The following TF variants were observed in gnomAD, a reference collection of about 807,000 sequenced individuals.
The protein encoded by TF is transferrin, also known as serotransferrin.
A neutral mutation model predicts 82.4 loss-of-function variants in TF; 55 were observed. The observed-to-expected ratio is 0.67, with a 90% confidence interval of 0.54 to 0.84. The LOEUF (loss-of-function observed/expected upper bound fraction) is 0.84, where lower values mean the gene tolerates loss of function less well. Ranked by LOEUF, TF falls within the 40% of genes least tolerant of loss-of-function variation. TF has a pLI of 0.00. For missense variants in TF, 737 were observed against 868.4 expected (o/e 0.85, Z 1.90); for synonymous variants, 332 against 332.6 (o/e 1.00, Z 0.02).
intron 9 of TF, chr3:133,761,370 A>G (rs1933986535): frequency 6.6e-6 from 1 of 152,424 alleles, no homozygotes; most frequent in Admixed American, 6.5e-5. Flanking sequence ...CTTTAAAAGT[A>G]AAAAATGGGC....
At chr3:133,674,009 T>A in the TF span, among the ~76,000 whole-genome samples, 1 of 151,932 alleles carries the variant, frequency 6.6e-6, no homozygotes, top group Admixed American at 6.5e-5. Flanking sequence ...GTCATTTGGG[T>A]AGAGTTTCCG....
At chr3:133,732,048 A>G in the TF span, among the ~76,000 whole-genome samples, 3,617 of 152,244 alleles carry the variant, frequency 0.024, 152 homozygotes, top group African/African-American at 0.083. Flanking sequence ...TCCTTGATGT[A>G]GTGGGACCTG....
At chr3:133,662,806 C>A in the TF span, among the ~76,000 whole-genome samples, 19 of 152,018 alleles carry the variant, frequency 1.2e-4, no homozygotes, top group African/African-American at 4.6e-4. Context: ...TTTTATTATT[C>A]ACTGCTGAGA....
At chr3:133,707,238 A>G in the TF span, among the ~76,000 whole-genome samples, 1 of 150,508 alleles carries the variant, frequency 6.6e-6, no homozygotes, top group Non-Finnish European at 1.5e-5. Flanking sequence ...GGAAAGATGG[A>G]TGACAATAAT....
At chr3:133,700,702 T>A in the TF span, among the ~76,000 whole-genome samples, 1 of 152,208 alleles carries the variant, frequency 6.6e-6, no homozygotes, top group Non-Finnish European at 1.5e-5. Context: ...GCAGACAAGC[T>A]GGGATCTGAG....
At chr3:133,678,654 G>A in the TF span, among the ~76,000 whole-genome samples, 6 of 152,172 alleles carry the variant, frequency 3.9e-5, no homozygotes, top group Non-Finnish European at 7.3e-5. Flanking sequence ...CCGCATAAAT[G>A]TCTTCTTTTA....
chr3:133,728,933 C>T, the TF span, among the ~76,000 whole-genome samples: 8 of 152,188 alleles, frequency 5.3e-5, no homozygotes, highest in Non-Finnish European at 8.8e-5. Flanking sequence ...AGACCCTGTT[C>T]GCCTGGGTAT....
chr3:133,704,920 G>A, the TF span, among the ~76,000 whole-genome samples: 3 of 152,146 alleles, frequency 2.0e-5, no homozygotes, highest in African/African-American at 7.2e-5. Context: ...AAAACAAAAC[G>A]ACTCTGTGAG....
chr3:133,748,540 T>G lies in TF; in HGVS notation c.172T>G (p.Cys58Gly). 6.2e-7 allele frequency: 1 copy of G among 1,614,030 alleles called. No individual in the cohort carries two copies. The highest frequency in any genetic ancestry group is 1.3e-5 in the African/African-American group (1 of 74,984). The part of the protein sequence containing the change: ...VIPSDGPSVA[C>G]VKKASYLDCI... ...TCCATCCGATGGTCCCAGTGTTGCT[T>G]GTGTGAAGAAAGCCTCCTACCTTGA... The change falls in exon 2 of 17, where the codon TGT (cysteine) becomes GGT (glycine). Residue 58 changes from cysteine to glycine, a missense_variant. Transcript: ENST00000402696.
rs1934821880 is a variant in TF, at chr3:133,791,160, C to G, written c.*12540C>G. ...CATTTGTTCCATTTATCTGGAATTC[C>G]TAGGCTACCTTTGTCAGGCTGGCAG... On this transcript the variant is annotated 3_prime_UTR_variant, in exon 17 of 17. Transcript: ENST00000402696. The G allele has an allele frequency of 6.6e-6, 1 of 152,014 alleles. No homozygotes were observed. Among genetic ancestry groups the G allele is most frequent in the African/African-American group, 2.4e-5 (1 of 41,394 alleles). 9.4% of individuals were successfully genotyped at this position (152,014 alleles called of 1,614,324 possible).
At chr3:133,717,734 G>C in the TF span, among the ~76,000 whole-genome samples, 1 of 152,096 alleles carries the variant, frequency 6.6e-6, no homozygotes, top group Non-Finnish European at 1.5e-5. Flanking sequence ...GGGGGAGTTG[G>C]TTCTCAAAAA....
At chr3:133,778,561 C>A in intron 16 of TF, 25 bp from the exon 17 acceptor site, 1 of 1,611,944 alleles carries the variant, frequency 6.2e-7, no homozygotes, top group South Asian at 1.1e-5. Context: ...TTTTGAAAAT[C>A]CTACCTCTCT....
the TF span, among the ~76,000 whole-genome samples, chr3:133,720,376 C>G: frequency 6.6e-6 from 1 of 152,046 alleles, no homozygotes; most frequent in African/African-American, 2.4e-5. Flanking sequence ...GTCTTTTATT[C>G]TATTAATGTG....
chr3:133,696,051 G>A, the TF span, among the ~76,000 whole-genome samples: 1 of 152,142 alleles, frequency 6.6e-6, no homozygotes, highest in African/African-American at 2.4e-5. Context: ...TCACAAGAAG[G>A]GTGAGTATGG....
intron 2 of TF, 114 bp downstream of exon 2, chr3:133,748,698 C>T (rs778314047): frequency 1.5e-6 from 2 of 1,312,560 alleles, no homozygotes; most frequent in Non-Finnish European, 2.1e-6. Flanking sequence ...GGGCAGTCAA[C>T]CTTGACTTAC....
rs961728969 is a variant in TF at position 133,791,642 on chromosome 3, G to C, written c.*13022G>C. 2 of 152,204 alleles carry C rather than the reference G, an allele frequency of 1.3e-5. No individual in the cohort carries two copies. Among genetic ancestry groups the C allele is most frequent in the African/African-American group, 4.8e-5 (2 of 41,446 alleles). The allele number at this position is 152,204 out of a possible 1,614,324, so 9.4% of individuals were successfully genotyped here. On this transcript the variant is annotated 3_prime_UTR_variant, in exon 17 of 17. Coordinates refer to ENST00000402696, the MANE Select transcript of TF (RefSeq NM_001063.4). ...TTTTGTCATAAAGAGGGGTACCTTA[G>C]AATAAAATGTGTGCTTAGGACCCCA... is the stretch of plus-strand genomic sequence containing the variant.
At chr3:133,728,464 C>T in the TF span, among the ~76,000 whole-genome samples, 1 of 152,070 alleles carries the variant, frequency 6.6e-6, no homozygotes, top group African/African-American at 2.4e-5. Flanking sequence ...GAGGCTTCTG[C>T]ATTCTTCACG....
chr3:133,708,232 T>G, the TF span, among the ~76,000 whole-genome samples: 1 of 152,188 alleles, frequency 6.6e-6, no homozygotes, highest in Non-Finnish European at 1.5e-5. Flanking sequence ...AAAAGAATGA[T>G]GTAGCCATAT....
the TF span, among the ~76,000 whole-genome samples, chr3:133,672,808 A>T: frequency 2.0e-5 from 3 of 147,382 alleles, no homozygotes; most frequent in African/African-American, 7.4e-5. Context: ...GAAGAGAGAA[A>T]GAGAAAGAAA....
Sources: allele counts gnomAD v4.1 joint callset (sites outside exome capture counted in the v4.1 genomes callset), GRCh38; gene constraint gnomAD v4.1.1; transcripts MANE v1.5; gene names NCBI Gene and HGNC (gene_info 2026-07-23, HGNC 2026-07-21).